PCDHGB2: variants seen among roughly 807,000 people sequenced by gnomAD.
PCDHGB2 encodes the protein protocadherin gamma subfamily B, 2, also known as protocadherin gamma-B2.
A neutral mutation model predicts 59.3 loss-of-function variants in PCDHGB2; 55 were observed. The ratio of observed to expected loss-of-function variants is 0.93; its 90% confidence interval spans 0.75 to 1.16. The LOEUF (loss-of-function observed/expected upper bound fraction) is 1.16, where lower values mean the gene tolerates loss of function less well. PCDHGB2 is among the 50% of genes most tolerant of loss of function. The pLI, the probability that PCDHGB2 is intolerant of heterozygous loss-of-function variation, is 0.00. For synonymous variants in PCDHGB2, 516 were observed against 512.0 expected (o/e 1.01, Z -0.11); for missense variants, 1,228 against 1,198.5 (o/e 1.02, Z -0.36).
intron 1 of PCDHGB2, among the ~76,000 whole-genome samples, chr5:141,458,719 G>A (rs891521416): frequency 5.9e-5 from 9 of 151,684 alleles, no homozygotes; most frequent in Non-Finnish European, 1.2e-4. Context: ...ACAGGTATTC[G>A]CCACCACATC....
intron 1 of PCDHGB2, chr5:141,388,282 T>A: frequency 6.2e-7 from 1 of 1,613,222 alleles, no homozygotes; most frequent in South Asian, 1.1e-5. Context: ...ACGCCAAAAT[T>A]CACGCAAAAT....
chr5:141,383,564 G>T (rs767546411), intron 1 of PCDHGB2: 1 of 1,613,046 alleles, frequency 6.2e-7, no homozygotes, highest in South Asian at 1.1e-5. Flanking sequence ...GACCCGCCCC[G>T]ATCCAGCACC....
At chr5:141,418,460 G>A in intron 1 of PCDHGB2, 1 of 1,613,992 alleles carries the variant, frequency 6.2e-7, no homozygotes, top group Non-Finnish European at 8.5e-7. Context: ...GAAGACTCTG[G>A]ACCGAGAAAC....
intron 2 of PCDHGB2, among the ~76,000 whole-genome samples, chr5:141,501,966 C>A (rs1046026111): frequency 1.3e-5 from 2 of 152,118 alleles, no homozygotes; most frequent in African/African-American, 4.8e-5. Context: ...ATCCTCCTAA[C>A]CTCTGGCATC....
chr5:141,511,711 T>G lies in PCDHGB2; in HGVS notation c.*538T>G. 1 of 185,916 alleles carries G rather than the reference T, an allele frequency of 5.4e-6. No individual in the cohort carries two copies. Among genetic ancestry groups the G allele is most frequent in the South Asian group, 1.1e-4 (1 of 8,818 alleles). The allele number at this position is 185,916 out of a possible 1,614,324, so 11.5% of individuals were successfully genotyped here. A position where few individuals can be genotyped will look rare whatever the true frequency, so the allele number is the denominator to read the frequency against. Reference sequence around the variant, plus strand: ...GTTTGGTGCCAGCCCCTTCACCTCCTTCCAGAGCCCAAGATCAATGCTCAA... The same window carrying G: ...GTTTGGTGCCAGCCCCTTCACCTCCGTCCAGAGCCCAAGATCAATGCTCAA... On this transcript the variant is annotated 3_prime_UTR_variant, in exon 4 of 4. Transcript: ENST00000522605.
chr5:141,395,558 G>A (rs60237573), intron 1 of PCDHGB2: 1 of 127,936 alleles, frequency 7.8e-6, no homozygotes, highest in South Asian at 2.0e-4. Flanking sequence ...GTGTGTGTGT[G>A]TGTGTGTGTG....
intron 1 of PCDHGB2, among the ~76,000 whole-genome samples, chr5:141,386,853 G>C (rs932816835): frequency 2.0e-5 from 3 of 152,230 alleles, no homozygotes; most frequent in African/African-American, 4.8e-5. Context: ...ACTAAACTCA[G>C]TGAGCTATTG....
intron 1 of PCDHGB2, chr5:141,399,969 C>T (rs1371912218): frequency 1.2e-6 from 2 of 1,612,194 alleles, no homozygotes; most frequent in South Asian, 2.2e-5. Context: ...GGCTCTTCAG[C>T]CTGGGGCTGC....
In PCDHGB2 at chr5:141,360,782, A is replaced by T; in HGVS notation, c.647A>T (p.Asp216Val). 6.2e-7 allele frequency: 1 copy of T among 1,613,948 alleles called. No homozygotes were observed. The highest frequency in any genetic ancestry group is 2.2e-5 in the East Asian group (1 of 44,878). Residue 216 changes from aspartate (D) to valine (V), a missense_variant, in exon 1 of 4, where the codon GAT becomes GTT. By Grantham distance (152) the Asp-to-Val change is radical. This residue lies in a region of PCDHGB2 where 781 missense variants were observed against 721.6 expected (regional missense o/e 1.08). Transcript: ENST00000522605. The stretch of plus-strand genomic sequence containing the variant: ...CATCAATTGGTCCTCACAGCTGTGG[A>T]TGGCGGAGACCCACCTCAAAGTGGC... The part of the protein sequence containing the change: ...SLHQLVLTAV[D>V]GGDPPQSGTT...
intron 1 of PCDHGB2, chr5:141,426,713 AC>A: frequency 2.2e-6 from 1 of 445,196 alleles, no homozygotes; most frequent in Middle Eastern, 3.3e-4. Flanking sequence ...AAATCAATGA[AC>A]TAGCAATTCC....
intron 3 of PCDHGB2, chr5:141,507,010 G>A (rs371780810): frequency 1.3e-5 from 2 of 152,324 alleles, no homozygotes; most frequent in East Asian, 1.9e-4. Flanking sequence ...TGAGAGAACC[G>A]AGAAGGCACT....
At chr5:141,393,082 TAGATCGGG>T in intron 1 of PCDHGB2, 1 of 1,613,652 alleles carries the variant, frequency 6.2e-7, no homozygotes, top group Non-Finnish European at 8.5e-7. Flanking sequence ...GCGGGCAGGA[TAGATCGGG>T]AGGAGCTCTG....
chr5:141,421,064 G>A (rs2096543646), intron 1 of PCDHGB2: 2 of 593,294 alleles, frequency 3.4e-6, no homozygotes, highest in Non-Finnish European at 5.7e-6. Context: ...ACACAAAGCG[G>A]AATGAGATGG....
intron 1 of PCDHGB2, chr5:141,409,184 T>G: frequency 6.2e-7 from 1 of 1,614,044 alleles, no homozygotes; most frequent in East Asian, 2.2e-5. Context: ...AGGTGGTCTC[T>G]CTACCCAGTG....
chr5:141,492,285 A>T (rs2099739112), intron 1 of PCDHGB2, among the ~76,000 whole-genome samples: 1 of 152,132 alleles, frequency 6.6e-6, no homozygotes, highest in African/African-American at 2.4e-5. Flanking sequence ...CGCCCCGCCA[A>T]CACGTGCGCG....
chr5:141,423,678 G>A (rs1161093615), intron 1 of PCDHGB2: 3 of 1,496,158 alleles, frequency 2.0e-6, no homozygotes, highest in Non-Finnish European at 2.7e-6. Flanking sequence ...TTATTTCTCT[G>A]CCTCCTAATT....
At chr5:141,374,700 C>T in intron 1 of PCDHGB2, 1 of 1,608,752 alleles carries the variant, frequency 6.2e-7, no homozygotes, top group Non-Finnish European at 8.5e-7. Context: ...GAAGGAGAAG[C>T]CGTTTACCGC....
rs1762345318 is a variant in PCDHGB2 at position 141,362,140 on chromosome 5, C to A, written c.2005C>A (p.Gln669Lys). 1.2e-6 allele frequency: 2 copies of A among 1,614,056 alleles called. No individual in the cohort carries two copies. The highest frequency in any genetic ancestry group is 1.7e-6 in the Non-Finnish European group (2 of 1,179,910). Residue 669 changes from glutamine (Q) to lysine (K), a missense_variant, in exon 1 of 4, where the codon CAA becomes AAA. Gln to Lys is a moderately conservative substitution (Grantham distance 53). Around this residue, in one of 3 missense-constraint regions of PCDHGB2, gnomAD observed 433 missense variants for 441.8 expected, o/e 0.98. Coordinates refer to ENST00000522605, the MANE Select transcript of PCDHGB2 (RefSeq NM_018923.3). ...GCACCTAATCTTCGCGGATAGCCTG[C>A]AAGAGGTATTGCCAGACCTCAGCGA... ...TLHLIFADSL[Q>K]EVLPDLSDRR...
At chr5:141,481,524 A>G (rs186970700) in intron 1 of PCDHGB2, among the ~76,000 whole-genome samples, 4 of 152,240 alleles carry the variant, frequency 2.6e-5, no homozygotes, top group African/African-American at 9.6e-5. Flanking sequence ...CTCAGTAAAA[A>G]TCTAGAGATG....
Sources: gnomAD v4.1 joint callset for allele counts (sites outside exome capture counted in the v4.1 genomes callset) on GRCh38, gnomAD v4.1.1 for gene constraint, gnomAD v4.1.1 regional missense constraint, MANE v1.5 for transcripts, NCBI Gene and HGNC (gene_info 2026-07-23, HGNC 2026-07-21) for gene names.